Variants in RAD51B observed in about 807,000 individuals in gnomAD.
RAD51B encodes the protein DNA repair protein RAD51 homolog 2.
RAD51B carries 38 observed loss-of-function variants against 42.2 expected under a neutral mutation model. That is an observed-to-expected ratio of 0.90 (90% CI 0.70 to 1.18). The LOEUF (loss-of-function observed/expected upper bound fraction) is 1.18. Among genes scored for constraint, RAD51B ranks in the 50% most tolerant of loss-of-function variants. The pLI is 0.00. For missense variants in RAD51B, 373 were observed against 400.7 expected (o/e 0.93, Z 0.59); for synonymous variants, 154 against 145.2 (o/e 1.06, Z -0.43).
At chr14:68,070,943 C>A (rs982794901) in intron 7 of RAD51B, among the ~76,000 whole-genome samples, 1 of 152,202 alleles carries the variant, frequency 6.6e-6, no homozygotes, top group African/African-American at 2.4e-5. Context: ...TTGTTTGTGT[C>A]ATCTCTGATT....
intron 7 of RAD51B, among the ~76,000 whole-genome samples, chr14:67,928,218 G>T (rs1270112084): frequency 6.6e-6 from 1 of 152,088 alleles, no homozygotes; most frequent in Non-Finnish European, 1.5e-5. Context: ...ATTCAATCTT[G>T]TTGGATTGTA....
chr14:68,276,536 A>G (rs1298811327), intron 7 of RAD51B, among the ~76,000 whole-genome samples: 1 of 151,840 alleles, frequency 6.6e-6, no homozygotes, highest in Non-Finnish European at 1.5e-5. Context: ...TTGTTTTCTG[A>G]GATATTCAGC....
intron 8 of RAD51B, among the ~76,000 whole-genome samples, chr14:68,358,485 T>C (rs2082953334): frequency 1.3e-5 from 2 of 152,228 alleles, no homozygotes; most frequent in Admixed American, 1.3e-4. Flanking sequence ...CCATCAGCAG[T>C]GTTTGTGAAT....
chr14:68,071,686 TA>T (rs2140466389), intron 7 of RAD51B, among the ~76,000 whole-genome samples: 2 of 152,226 alleles, frequency 1.3e-5, no homozygotes, highest in South Asian at 4.1e-4. Flanking sequence ...GAGGATTTTT[TA>T]CATCTATGTT....
intron 7 of RAD51B, among the ~76,000 whole-genome samples, chr14:67,970,419 C>T (rs1306341315): frequency 6.6e-6 from 1 of 151,958 alleles, no homozygotes; most frequent in Non-Finnish European, 1.5e-5. Context: ...AGGAGCCAGT[C>T]CTTGGTGGAT....
intron 10 of RAD51B, chr14:68,540,870 GT>G: frequency 6.1e-6 from 6 of 985,462 alleles, no homozygotes; most frequent in Non-Finnish European, 7.2e-6. Context: ...AAGATTCCAT[GT>G]AGGGAAGAAG....
intron 7 of RAD51B, among the ~76,000 whole-genome samples, chr14:67,950,197 C>G (rs796644391): frequency 1.5e-4 from 23 of 152,286 alleles, no homozygotes; most frequent in African/African-American, 5.5e-4. Flanking sequence ...CTATGAAAGT[C>G]TGAGGTGGCA....
intron 7 of RAD51B, among the ~76,000 whole-genome samples, chr14:67,993,238 A>T (rs1362113981): frequency 6.6e-6 from 1 of 152,202 alleles, no homozygotes. Flanking sequence ...ACAAAAAATT[A>T]TTGTAAACTA....
chr14:68,051,785 T>C (rs1265189310), intron 7 of RAD51B, among the ~76,000 whole-genome samples: 1 of 152,046 alleles, frequency 6.6e-6, no homozygotes, highest in Admixed American at 6.6e-5. Flanking sequence ...TGTAATTTTG[T>C]AGAGATGGGG....
intron 10 of RAD51B, among the ~76,000 whole-genome samples, chr14:68,500,241 A>G (rs765844457): frequency 1.2e-4 from 19 of 152,240 alleles, no homozygotes; most frequent in Non-Finnish European, 1.8e-4. Flanking sequence ...AATGTTTAAC[A>G]TGTGCTAAGT....
At chr14:68,504,140 T>C (rs148729120) in intron 10 of RAD51B, among the ~76,000 whole-genome samples, 25 of 152,110 alleles carry the variant, frequency 1.6e-4, no homozygotes, top group African/African-American at 6.0e-4. Context: ...TTAGCAATTC[T>C]CCCCAAGGCA....
At chr14:68,363,486 A>C (rs2083073294) in intron 8 of RAD51B, among the ~76,000 whole-genome samples, 1 of 152,172 alleles carries the variant, frequency 6.6e-6, no homozygotes, top group African/African-American at 2.4e-5. Flanking sequence ...GTATGGAGAC[A>C]GGCTCATCTC....
intron 7 of RAD51B, among the ~76,000 whole-genome samples, chr14:68,204,770 T>A (rs1280673073): frequency 6.6e-6 from 1 of 152,246 alleles, no homozygotes; most frequent in African/African-American, 2.4e-5. Flanking sequence ...ATCTACAAAT[T>A]ATTTTTATTT....
At chr14:68,275,141 A>G (rs2081195093) in intron 7 of RAD51B, among the ~76,000 whole-genome samples, 1 of 152,100 alleles carries the variant, frequency 6.6e-6, no homozygotes, top group Non-Finnish European at 1.5e-5. Context: ...CTGTCCTTTC[A>G]TTCTGCAGTT....
intron 8 of RAD51B, among the ~76,000 whole-genome samples, chr14:68,321,115 T>A (rs1250151890): frequency 6.6e-6 from 1 of 152,146 alleles, no homozygotes; most frequent in Non-Finnish European, 1.5e-5. Context: ...TTCTCACGAT[T>A]TTTAAAATCA....
chr14:67,978,335 A>T (rs913207406), intron 7 of RAD51B, among the ~76,000 whole-genome samples: 1 of 152,180 alleles, frequency 6.6e-6, no homozygotes, highest in Non-Finnish European at 1.5e-5. Flanking sequence ...ATAGTTAATG[A>T]CTTATAAATA....
chr14:68,468,101 G>C lies in RAD51B; in HGVS notation c.958-71G>C. The stretch of plus-strand genomic sequence containing the variant: ...CTATGTTACCACTTTGTCTCAAAGT[G>C]GGAAGGGGAGTGAATAGAGGCCCAT... On this transcript the variant is annotated intron_variant, in intron 9 of 10. Transcript: ENST00000471583. 2.3e-6 allele frequency: 3 copies of C among 1,322,868 alleles called. No homozygotes were observed. In the South Asian group the frequency reaches 3.5e-5, roughly 16 times the overall value. 81.9% of individuals were successfully genotyped at this position (1,322,868 alleles called of 1,614,324 possible).
At chr14:67,867,667 C>T (rs1281992689) in intron 5 of RAD51B, among the ~76,000 whole-genome samples, 1 of 152,146 alleles carries the variant, frequency 6.6e-6, no homozygotes, top group Non-Finnish European at 1.5e-5. Context: ...GTTAATATTG[C>T]TGCCTGAATA....
At chr14:68,528,116 A>G (rs1887051626) in intron 10 of RAD51B, among the ~76,000 whole-genome samples, 1 of 152,230 alleles carries the variant, frequency 6.6e-6, no homozygotes, top group African/African-American at 2.4e-5. Context: ...GGCTGGCACC[A>G]ACCAGTAAAG....
Sources: allele counts gnomAD v4.1 joint callset (sites outside exome capture counted in the v4.1 genomes callset), GRCh38; gene constraint gnomAD v4.1.1; transcripts MANE v1.5; gene names NCBI Gene and HGNC (gene_info 2026-07-23, HGNC 2026-07-21).